The following EEF1E1 variants were observed in gnomAD, a reference collection of about 807,000 sequenced individuals.
The protein encoded by EEF1E1 is eukaryotic translation elongation factor 1 epsilon-1.
EEF1E1 carries 19 observed loss-of-function variants against 19.9 expected under a neutral mutation model. The ratio of observed to expected loss-of-function variants is 0.95; its 90% CI spans 0.66 to 1.40. The LOEUF is 1.40. EEF1E1 is among the 40% of genes most tolerant of loss of function. The pLI is 0.00. For missense variants in EEF1E1, 198 were observed against 202.2 expected (o/e 0.98, Z 0.13); for synonymous variants, 81 against 80.0 (o/e 1.01, Z -0.07).
At chr6:8,102,081 AT>A in intron 1 of EEF1E1, 1 of 1,199,834 alleles carries the variant, frequency 8.3e-7, no homozygotes, top group Non-Finnish European at 1.0e-6. Context: ...GAAAGGTGCG[AT>A]TACGGGAAAA....
chr6:8,095,950 T>C (rs1006149655), intron 2 of EEF1E1, among the ~76,000 whole-genome samples: 3 of 152,182 alleles, frequency 2.0e-5, no homozygotes, highest in African/African-American at 4.8e-5. Context: ...AACTGCATCC[T>C]GGTGCACTGC....
intron 3 of EEF1E1, among the ~76,000 whole-genome samples, chr6:8,082,961 T>A (rs541817227): frequency 9.2e-5 from 14 of 152,228 alleles, no homozygotes; most frequent in Admixed American, 2.0e-4. Flanking sequence ...TTTTCCACCA[T>A]CCCTTTCTAG....
rs180697956 is a variant in EEF1E1, at chr6:8,073,612, T to A, written c.385-102A>T. 77 of 1,440,464 alleles carry A rather than the reference T, an allele frequency of 5.3e-5. No individual in the cohort carries two copies. The African/African-American group carries it at 1.0e-3, about 19-fold the overall frequency. The allele number at this position is 1,440,464 out of a possible 1,614,324, so 89.2% of individuals were successfully genotyped here. On this transcript the variant is annotated intron_variant, in intron 3 of 3. Coordinates refer to the EEF1E1 transcript ENST00000429723. ...TAAATGTTATCTATTATTGTTGTTA[T>A]TAAAAGTTTTAACAGATATTTTAAA...
At chr6:8,101,033 C>A (rs758172737) in intron 1 of EEF1E1, among the ~76,000 whole-genome samples, 6 of 149,346 alleles carry the variant, frequency 4.0e-5, no homozygotes, top group Non-Finnish European at 7.4e-5. Flanking sequence ...CAAGACCAGC[C>A]TGGCCAACAT....
chr6:8,099,783 C>G (rs1436847170), intron 1 of EEF1E1, among the ~76,000 whole-genome samples: 1,413 of 98,272 alleles, frequency 0.014, 59 homozygotes, highest in African/African-American at 0.068. Flanking sequence ...CACACACACA[C>G]ACACACACAA....
chr6:8,081,385 G>GT (rs1757720000), intron 3 of EEF1E1, among the ~76,000 whole-genome samples: 1 of 152,186 alleles, frequency 6.6e-6, no homozygotes, highest in South Asian at 2.1e-4. Flanking sequence ...AACTGGTCAA[G>GT]TATGTCTTTT....
At chr6:8,075,212 T>C (rs893244401), downstream of EEF1E1, among the ~76,000 whole-genome samples, 4 of 152,186 alleles carry the variant, frequency 2.6e-5, no homozygotes, top group Admixed American at 2.6e-4. Flanking sequence ...GTAAGACACA[T>C]AACAACTCCC....
chr6:8,098,196 T>C (rs1469123692), intron 1 of EEF1E1, among the ~76,000 whole-genome samples: 1 of 152,044 alleles, frequency 6.6e-6, no homozygotes, highest in East Asian at 1.9e-4. Flanking sequence ...CTCGGCTCAC[T>C]GCAACCTCTG....
At chr6:8,073,371 G>T in exon 4 of EEF1E1, 1 of 1,466,676 alleles carries the variant, frequency 6.8e-7, no homozygotes, top group Non-Finnish European at 9.1e-7. Flanking sequence ...TAATTAAGCA[G>T]AATTTTATGG....
intron 1 of EEF1E1, 108 bp downstream of exon 1, chr6:8,102,327 C>T: frequency 8.6e-6 from 10 of 1,164,998 alleles, no homozygotes; most frequent in Non-Finnish European, 1.2e-5. Flanking sequence ...AGCTGGGTAG[C>T]AGCATCCTCA....
At position 8,080,029 on chromosome 6, in the gene EEF1E1, A is replaced by G; in HGVS notation, c.386T>C (p.Val129Ala). 1.2e-6 allele frequency: 2 copies of G among 1,613,138 alleles called. No individual in the cohort carries two copies. Among genetic ancestry groups the G allele is most frequent in the Non-Finnish European group, 1.7e-6 (2 of 1,179,796 alleles). The change falls in exon 4 of 4, where the codon GTT becomes GCT. Residue 129 changes from valine (V) to alanine (A), a missense_variant and splice_region_variant. Val to Ala is a moderately conservative substitution (Grantham distance 64). Transcript: ENST00000379715. ...CTCCTTTTCTTGAACTGTCAGGTCA[A>G]CCTAAGTAGAGATTAAAAACATACA... ...LLYYGLHRFI[V>A]DLTVQEKEKY...
intron 3 of EEF1E1, among the ~76,000 whole-genome samples, chr6:8,085,539 C>T (rs1418294064): frequency 6.6e-6 from 1 of 152,160 alleles, no homozygotes; most frequent in Non-Finnish European, 1.5e-5. Flanking sequence ...AAGACAAATC[C>T]TCTTTGGTCT....
At chr6:8,099,808 C>G (rs1488288058) in intron 1 of EEF1E1, among the ~76,000 whole-genome samples, 1 of 136,404 alleles carries the variant, frequency 7.3e-6, no homozygotes, top group African/African-American at 2.7e-5. Flanking sequence ...AAAACAGAAC[C>G]CTCTATAATG....
At chr6:8,082,408 GCTGGGACTACAGTCACATACCACCACAC>G (rs1490033869) in intron 3 of EEF1E1, among the ~76,000 whole-genome samples, 2 of 152,136 alleles carry the variant, frequency 1.3e-5, no homozygotes, top group African/African-American at 4.8e-5. Context: ...CTCCTGAGTA[GCTGGGACTACAGTCACATACCACCACAC>G]CTGGCTAATT....
In EEF1E1 at chr6:8,090,285, G is replaced by GA; in HGVS notation, c.289-5dup. 2 of 1,450,564 alleles carry GA rather than the reference G, an allele frequency of 1.4e-6. No homozygotes were observed. The highest frequency in any genetic ancestry group is 1.8e-6 in the Non-Finnish European group (2 of 1,101,570). 89.9% of individuals were successfully genotyped at this position (1,450,564 alleles called of 1,614,324 possible). The stretch of plus-strand genomic sequence containing the variant: ...CTTCAAGATATGAATTAAGATCCTA[G>GA]AAAAAAGAAAAAACAAATAAATATT... On this transcript the variant is annotated splice_region_variant and splice_polypyrimidine_tract_variant and intron_variant, in intron 2 of 3. Coordinates refer to ENST00000379715, the MANE Select transcript of EEF1E1 (RefSeq NM_004280.5).
At chr6:8,092,479 G>A (rs748744645) in intron 2 of EEF1E1, among the ~76,000 whole-genome samples, 4 of 151,574 alleles carry the variant, frequency 2.6e-5, no homozygotes, top group Non-Finnish European at 5.9e-5. Context: ...TTTAAAGACA[G>A]TCAGTCATTT....
chr6:8,101,220 T>C (rs1203728754), intron 1 of EEF1E1, among the ~76,000 whole-genome samples: 1 of 31,044 alleles, frequency 3.2e-5, no homozygotes, highest in East Asian at 8.7e-4. Context: ...AGTGAGACTT[T>C]GTCTCAAAAA....
downstream of EEF1E1, among the ~76,000 whole-genome samples, chr6:8,078,321 A>AAT (rs147002402): frequency 1.8e-3 from 272 of 150,416 alleles, 3 homozygotes; most frequent in African/African-American, 6.3e-3. Flanking sequence ...AAAGGAAAGA[A>AAT]GGGGAACGGC....
chr6:8,092,212 G>A (rs996684037), intron 2 of EEF1E1, among the ~76,000 whole-genome samples: 1 of 152,138 alleles, frequency 6.6e-6, no homozygotes. Flanking sequence ...ATTTGGGGAG[G>A]GGGAGTCAAC....
Sources: allele counts gnomAD v4.1 joint callset (sites outside exome capture counted in the v4.1 genomes callset), GRCh38; gene constraint gnomAD v4.1.1; transcripts MANE v1.5; gene names NCBI Gene and HGNC (gene_info 2026-07-23, HGNC 2026-07-21).